Variants in PAK3 observed in about 807,000 individuals in gnomAD.
PAK3 encodes the protein p21 (RAC1) activated kinase 3.
Under a neutral mutation model 41.0 loss-of-function variants are expected in PAK3, and 4 were observed. That is an observed-to-expected ratio of 0.10 (90% confidence interval 0.05 to 0.22). PAK3 has a LOEUF of 0.22. Among genes scored for constraint, PAK3 ranks in the 10% least tolerant of loss-of-function variants. The pLI, the probability that PAK3 is intolerant of heterozygous loss-of-function variation, is 1.00. For missense variants in PAK3, 205 were observed against 409.9 expected, an observed-to-expected ratio of 0.50 and a Z score of 4.32; for synonymous variants, 146 against 139.6, an observed-to-expected ratio of 1.05 and a Z score of -0.32.
At chrX:110,974,134 T>C (rs1339607961) in intron 1 of PAK3, among the ~76,000 whole-genome samples, 2 of 111,274 alleles carry the variant, frequency 1.8e-5, no homozygotes, top group African/African-American at 6.6e-5. Context: ...AACACCCCAC[T>C]GTCAATATTA....
At chrX:111,171,319 A>G (rs769372571) in intron 10 of PAK3, among the ~76,000 whole-genome samples, 1 of 111,657 alleles carries the variant, frequency 9.0e-6, no homozygotes, top group Non-Finnish European at 1.9e-5. Flanking sequence ...GATATAACTC[A>G]AAGATAATAA....
intron 16 of PAK3, among the ~76,000 whole-genome samples, chrX:111,205,046 TAA>T (rs991425278): frequency 3.6e-4 from 39 of 107,633 alleles, no homozygotes; most frequent in Non-Finnish European, 5.8e-4. Context: ...TTATGCGGGT[TAA>T]AGAGTGAATT....
intron 17 of PAK3, among the ~76,000 whole-genome samples, chrX:111,220,065 C>A (rs900373903): frequency 9.0e-6 from 1 of 111,072 alleles, no homozygotes; most frequent in African/African-American, 3.3e-5. Context: ...GACAGCTTCT[C>A]TAGATAAATA....
At chrX:110,969,180 T>C (rs1211322803) in intron 1 of PAK3, among the ~76,000 whole-genome samples, 1 of 90,145 alleles carries the variant, frequency 1.1e-5, no homozygotes, top group African/African-American at 4.1e-5. Context: ...ACTCCCGACC[T>C]CAGGTGATCT....
chrX:111,044,497 T>C (rs1379828064), intron 1 of PAK3, among the ~76,000 whole-genome samples: 1 of 112,069 alleles, frequency 8.9e-6, no homozygotes, highest in African/African-American at 3.2e-5. Flanking sequence ...TCTTCTCCTT[T>C]CCTTTATTCC....
At chrX:110,950,613 T>C (rs1569495348) in intron 1 of PAK3, among the ~76,000 whole-genome samples, 1 of 111,851 alleles carries the variant, frequency 8.9e-6, no homozygotes, top group Non-Finnish European at 1.9e-5. Context: ...TGTGTGATGT[T>C]CCGCTCCCTG....
intron 5 of PAK3, among the ~76,000 whole-genome samples, chrX:111,126,746 C>T (rs144835276): frequency 0.019 from 2,120 of 111,648 alleles, 45 homozygotes; most frequent in African/African-American, 0.061. Context: ...ATATTTGTAG[C>T]ATTTTGGACC....
chrX:111,204,358 G>T (rs2094716305), intron 16 of PAK3, among the ~76,000 whole-genome samples: 1 of 110,980 alleles, frequency 9.0e-6, no homozygotes, highest in South Asian at 3.9e-4. Context: ...TTATAGCATG[G>T]CTTGGGAGTA....
chrX:111,159,437 G>T (rs749153497), intron 8 of PAK3, among the ~76,000 whole-genome samples: 3 of 111,234 alleles, frequency 2.7e-5, no homozygotes, highest in African/African-American at 3.3e-5. Flanking sequence ...CCTGGGCAAG[G>T]TTCGTATTGC....
chrX:111,093,585 A>G (rs983998529), upstream of PAK3, among the ~76,000 whole-genome samples: 3 of 112,047 alleles, frequency 2.7e-5, no homozygotes, highest in African/African-American at 9.7e-5. Context: ...GACAGTAAAG[A>G]CTGCTTTCTC....
At chrX:110,976,267 AAAAC>A (rs1490265060) in intron 1 of PAK3, among the ~76,000 whole-genome samples, 1 of 112,428 alleles carries the variant, frequency 8.9e-6, no homozygotes, top group Non-Finnish European at 1.9e-5. Context: ...TTACAAGAGA[AAAAC>A]AAACAACCCC....
At chrX:111,115,297 C>T (rs1177129622) in intron 4 of PAK3, among the ~76,000 whole-genome samples, 2 of 112,219 alleles carry the variant, frequency 1.8e-5, no homozygotes, top group Non-Finnish European at 1.9e-5. Flanking sequence ...ATGAGTTCGT[C>T]CTTCAGATCA....
In PAK3 at chrX:111,046,213, T is replaced by C. The variant is rs145651968; in HGVS notation, c.-27-76864T>C. ...ACATGTTAACTCTACTCATTTGCTG[T>C]CAGCGAAAGGAAGGGTAGAAAAGGC... On this transcript the variant is annotated intron_variant, in intron 1 of 14. Coordinates refer to the PAK3 transcript ENST00000425146. Among the ~76,000 whole-genome samples, 11 of 111,609 alleles carry C rather than the reference T, an allele frequency of 9.9e-5. No individual in the cohort carries two copies. In the East Asian group the frequency reaches 2.8e-3, roughly 29 times the overall value.
chrX:111,029,008 A>T, intron 1 of PAK3, among the ~76,000 whole-genome samples: 1 of 110,802 alleles, frequency 9.0e-6, no homozygotes, highest in South Asian at 3.8e-4. Flanking sequence ...ACAGTGGTGC[A>T]CTCCTGTAAT....
rs188816953 is a variant in PAK3 at position 110,986,796 on chromosome X, C to T, written c.-28+42168C>T. On this transcript the variant is annotated intron_variant, in intron 1 of 14. Transcript: ENST00000425146. ...GTGTGTGTGTATGTGTGTGTCCATT[C>T]GTGTGTTGCATGAGTGGGAGGTTTG... Among the ~76,000 whole-genome samples the T allele has an allele frequency of 9.4e-4, 103 of 109,447 alleles. No individual in the cohort carries two copies. In the East Asian group the frequency reaches 0.023, roughly 25 times the overall value.
At chrX:111,136,075 G>T (rs2093785163) in intron 5 of PAK3, among the ~76,000 whole-genome samples, 1 of 110,742 alleles carries the variant, frequency 9.0e-6, no homozygotes, top group Non-Finnish European at 1.9e-5. Flanking sequence ...ATAGGGGCGG[G>T]AGAGAAAGTG....
Position 111,100,003 on chromosome X carries a change from T to C in PAK3, c.-176+2319T>C, listed in dbSNP as rs142216932. ...AAAACAACCCCACAACCACATATATTTCATCTCTTTCAACAGTGTGGCTTT... is the reference window on the plus strand; with the variant it reads ...AAAACAACCCCACAACCACATATATCTCATCTCTTTCAACAGTGTGGCTTT... On this transcript the variant is annotated intron_variant, in intron 3 of 17. Transcript: ENST00000372007. Among the ~76,000 whole-genome samples, 10 of 109,393 alleles carry C rather than the reference T, an allele frequency of 9.1e-5. No individual in the cohort carries two copies. The East Asian group carries it at 2.9e-3, about 32-fold the overall frequency. The allele number at this position is 109,393 out of a possible 115,157, so 95.0% of individuals were successfully genotyped here.
intron 1 of PAK3, among the ~76,000 whole-genome samples, chrX:110,949,672 A>C (rs747607523): frequency 1.8e-5 from 2 of 111,450 alleles, no homozygotes; most frequent in Non-Finnish European, 3.8e-5. Flanking sequence ...TGCTGGGATG[A>C]GCTTTGTGCC....
chrX:111,076,370 C>G (rs773289417), intron 1 of PAK3, among the ~76,000 whole-genome samples: 1 of 111,761 alleles, frequency 8.9e-6, no homozygotes, highest in African/African-American at 3.3e-5. Flanking sequence ...GCACCATACT[C>G]TAAGAGAAAA....
Sources: allele counts gnomAD v4.1 joint callset (sites outside exome capture counted in the v4.1 genomes callset), GRCh38; gene constraint gnomAD v4.1.1; transcripts MANE v1.5; gene names NCBI Gene and HGNC (gene_info 2026-07-23, HGNC 2026-07-21).